The following CDKAL1 variants were observed in gnomAD, a reference collection of about 807,000 sequenced individuals.
The protein encoded by CDKAL1 is CDKAL1 threonylcarbamoyladenosine tRNA methylthiotransferase.
CDKAL1 carries 32 observed loss-of-function variants against 68.2 expected under a neutral mutation model. The ratio of observed to expected loss-of-function variants is 0.47; its 90% confidence interval spans 0.35 to 0.63. The LOEUF (loss-of-function observed/expected upper bound fraction) is 0.63. CDKAL1 is among the 30% of genes least tolerant of loss of function. The pLI, the probability that CDKAL1 is intolerant of heterozygous loss-of-function variation, is 0.00. For synonymous variants in CDKAL1, 234 were observed against 244.3 expected (o/e 0.96, Z 0.39); for missense variants, 606 against 696.7 (o/e 0.87, Z 1.47).
chr6:20,553,045 A>C (rs1420674775), intron 4 of CDKAL1, among the ~76,000 whole-genome samples: 1 of 152,220 alleles, frequency 6.6e-6, no homozygotes, highest in African/African-American at 2.4e-5. Flanking sequence ...AATATACCTT[A>C]TGTATAATGT....
chr6:21,146,625 C>T (rs1275627886), intron 13 of CDKAL1, among the ~76,000 whole-genome samples: 5 of 152,090 alleles, frequency 3.3e-5, no homozygotes, highest in South Asian at 4.2e-4. Context: ...CCGAGACGGG[C>T]GGATCACAAG....
chr6:20,777,854 A>T (rs1398617192), intron 7 of CDKAL1, among the ~76,000 whole-genome samples: 1 of 152,190 alleles, frequency 6.6e-6, no homozygotes, highest in Admixed American at 6.5e-5. Context: ...GATTGACAAC[A>T]TTAGTGAGAA....
intron 13 of CDKAL1, among the ~76,000 whole-genome samples, chr6:21,158,361 T>G: frequency 6.6e-6 from 1 of 152,218 alleles, no homozygotes; most frequent in East Asian, 1.9e-4. Flanking sequence ...TTACAGTCAA[T>G]TTTGTCCTGT....
intron 9 of CDKAL1, among the ~76,000 whole-genome samples, chr6:20,913,397 T>C (rs1459730139): frequency 6.6e-6 from 1 of 152,150 alleles, no homozygotes; most frequent in Non-Finnish European, 1.5e-5. Flanking sequence ...GGCTGCTGGA[T>C]GGAAGCTTCC....
intron 5 of CDKAL1, among the ~76,000 whole-genome samples, chr6:20,685,300 C>T (rs1054601980): frequency 3.9e-5 from 6 of 152,094 alleles, no homozygotes; most frequent in South Asian, 2.1e-4. Context: ...GTCAAAGATC[C>T]GATGATTGTA....
At chr6:20,617,104 T>C (rs939873365) in intron 4 of CDKAL1, among the ~76,000 whole-genome samples, 5 of 152,104 alleles carry the variant, frequency 3.3e-5, no homozygotes, top group Admixed American at 3.3e-4. Flanking sequence ...GCTTAATAGT[T>C]GATGTCTGTG....
intron 5 of CDKAL1, among the ~76,000 whole-genome samples, chr6:20,697,441 G>T (rs776286456): frequency 6.6e-6 from 1 of 151,966 alleles, no homozygotes; most frequent in Admixed American, 6.6e-5. Context: ...AAAAGAGAAG[G>T]CCACTTTTTT....
intron 8 of CDKAL1, among the ~76,000 whole-genome samples, chr6:20,823,264 T>C (rs2150446050): frequency 6.6e-6 from 1 of 152,330 alleles, no homozygotes; most frequent in South Asian, 2.1e-4. Flanking sequence ...CCTTCCTTGA[T>C]TTGGCCATTC....
chr6:20,970,925 T>A (rs1198726436), intron 10 of CDKAL1, among the ~76,000 whole-genome samples: 1 of 152,224 alleles, frequency 6.6e-6, no homozygotes, highest in African/African-American at 2.4e-5. Context: ...CTCAGCTCAC[T>A]GCAACCTCTG....
chr6:20,788,249 C>G (rs1775756386), intron 8 of CDKAL1, among the ~76,000 whole-genome samples: 2 of 152,212 alleles, frequency 1.3e-5, no homozygotes, highest in Non-Finnish European at 2.9e-5. Context: ...ACAGTTGTAG[C>G]TTACATCAAG....
chr6:20,675,277 C>T (rs1032422988), intron 5 of CDKAL1, among the ~76,000 whole-genome samples: 1 of 152,132 alleles, frequency 6.6e-6, no homozygotes, highest in Admixed American at 6.5e-5. Context: ...TTGGAACTAT[C>T]TGGTTTTTGA....
chr6:21,147,191 AT>A (rs368795837), intron 13 of CDKAL1, among the ~76,000 whole-genome samples: 11 of 152,160 alleles, frequency 7.2e-5, no homozygotes, highest in South Asian at 2.1e-4. Flanking sequence ...ACATAAGGTC[AT>A]TTTTTTCCCC....
At chr6:20,937,222 C>T (rs185939407) in intron 9 of CDKAL1, among the ~76,000 whole-genome samples, 106 of 152,216 alleles carry the variant, frequency 7.0e-4, no homozygotes, top group African/African-American at 2.1e-3. Flanking sequence ...TGGGCTGGGA[C>T]TACAGGTGTG....
intron 13 of CDKAL1, among the ~76,000 whole-genome samples, chr6:21,147,279 T>C (rs1220708564): frequency 6.6e-6 from 1 of 152,238 alleles, no homozygotes; most frequent in Non-Finnish European, 1.5e-5. Flanking sequence ...CCTGGAAAGC[T>C]TGAGTCCACA....
At chr6:20,968,893 G>A (rs1401479884) in intron 10 of CDKAL1, among the ~76,000 whole-genome samples, 1 of 151,986 alleles carries the variant, frequency 6.6e-6, no homozygotes, top group African/African-American at 2.4e-5. Context: ...GTCCAGTAAA[G>A]TCTAATATCT....
intron 12 of CDKAL1, among the ~76,000 whole-genome samples, chr6:21,066,018 A>C (rs1771419508): frequency 6.6e-6 from 1 of 151,872 alleles, no homozygotes; most frequent in Non-Finnish European, 1.5e-5. Flanking sequence ...CACTAACCTA[A>C]ATTTTAAAAA....
chr6:21,110,709 A>G (rs1774077818), intron 13 of CDKAL1, among the ~76,000 whole-genome samples: 1 of 152,182 alleles, frequency 6.6e-6, no homozygotes, highest in Non-Finnish European at 1.5e-5. Flanking sequence ...CGGTAATCCC[A>G]GCACTCTGGG....
At chr6:21,225,566 A>ATTAC (rs745680590) in intron 15 of CDKAL1, among the ~76,000 whole-genome samples, 2 of 152,152 alleles carry the variant, frequency 1.3e-5, no homozygotes, top group Admixed American at 6.5e-5. Flanking sequence ...CTGTGGGCAC[A>ATTAC]TTACTTCTAT....
chr6:20,602,208 G>C (rs1164778825), intron 4 of CDKAL1, among the ~76,000 whole-genome samples: 1 of 152,038 alleles, frequency 6.6e-6, no homozygotes, highest in African/African-American at 2.4e-5. Flanking sequence ...CTCAGTATGG[G>C]GGCACATATT....
Sources: allele counts gnomAD v4.1 joint callset (sites outside exome capture counted in the v4.1 genomes callset), GRCh38; gene constraint gnomAD v4.1.1; transcripts MANE v1.5; gene names NCBI Gene and HGNC (gene_info 2026-07-23, HGNC 2026-07-21).